VSNL1: variants seen among roughly 807,000 people sequenced by gnomAD.
VSNL1 encodes the protein visinin like 1, also known as visinin-like protein 1.
Under a neutral mutation model 20.4 loss-of-function variants are expected in VSNL1, and 6 were observed. The ratio of observed to expected loss-of-function variants is 0.29; its 90% confidence interval spans 0.16 to 0.58. The LOEUF (loss-of-function observed/expected upper bound fraction) is 0.58. VSNL1 is among the 20% of genes least tolerant of loss of function. The pLI, the probability that VSNL1 is intolerant of heterozygous loss-of-function variation, is 0.90. For synonymous variants in VSNL1, 93 were observed against 86.4 expected (o/e 1.08, Z -0.42); for missense variants, 100 against 234.5 (o/e 0.43, Z 3.75).
chr2:17,544,800 G>A (rs17314716), intron 1 of VSNL1, among the ~76,000 whole-genome samples: 4,451 of 152,218 alleles, frequency 0.029, 63 homozygotes, highest in Middle Eastern at 0.054. Context: ...TAAACTGACA[G>A]TGTCCATCTT....
chr2:17,635,441 A>C (rs1057092728), intron 2 of VSNL1, among the ~76,000 whole-genome samples: 1 of 152,184 alleles, frequency 6.6e-6, no homozygotes. Flanking sequence ...GGCCACCCTA[A>C]AATCTTCCAT....
chr2:17,622,577 AAAGAAAGAAAG>A (rs1665402208), intron 2 of VSNL1, among the ~76,000 whole-genome samples: 3 of 128,834 alleles, frequency 2.3e-5, no homozygotes, highest in African/African-American at 5.3e-5. Context: ...AGAAAGAAAG[AAAGAAAGAAAG>A]AAAGAAAGAA....
At chr2:17,550,630 C>T (rs575864553) in intron 1 of VSNL1, among the ~76,000 whole-genome samples, 1 of 152,288 alleles carries the variant, frequency 6.6e-6, no homozygotes, top group South Asian at 2.1e-4. Context: ...AATCAGCATG[C>T]ATATACAGAC....
rs531165025 is a variant in VSNL1 at position 17,565,093 on chromosome 2, G to A, written c.-6+24175G>A. ...ACCATGTTTCCTTTGAGATGAACAT[G>A]ATTACTGTCTATGGTAAGAGCTAGA... On this transcript the variant is annotated intron_variant, in intron 1 of 3. Transcript: ENST00000295156. Among the ~76,000 whole-genome samples the A allele has an allele frequency of 9.9e-5, 15 of 152,202 alleles. No individual in the cohort carries two copies. The South Asian group carries it at 2.7e-3, about 27-fold the overall frequency.
At chr2:17,601,657 A>G (rs148973303) in intron 2 of VSNL1, among the ~76,000 whole-genome samples, 8,187 of 150,776 alleles carry the variant, frequency 0.054, 251 homozygotes, top group East Asian at 0.091. Context: ...TAAATAGGCC[A>G]GGCATGGTGG....
At chr2:17,620,320 C>A (rs2103401645) in intron 2 of VSNL1, among the ~76,000 whole-genome samples, 1 of 152,286 alleles carries the variant, frequency 6.6e-6, no homozygotes, top group South Asian at 2.1e-4. Context: ...GGTAGGATGG[C>A]TTCATGGAAT....
rs1663264448 is a variant in VSNL1 at position 17,540,723 on chromosome 2, T to C, written c.-201T>C. The C allele has an allele frequency of 6.6e-6, 1 of 152,660 alleles. No homozygotes were observed. The highest frequency in any genetic ancestry group is 1.5e-5 in the Non-Finnish European group (1 of 68,062). The allele number at this position is 152,660 out of a possible 1,614,324, so 9.5% of individuals were successfully genotyped here. A position where few individuals can be genotyped will look rare whatever the true frequency, so the allele number is the denominator to read the frequency against. On this transcript the variant is annotated 5_prime_UTR_variant, in exon 1 of 4. Transcript: ENST00000295156. ...TCTGCAGCAGAGATTTACCCGAGCG[T>C]GTTGCGGCAGCGGCTGGGCTTGCAA...
chr2:17,586,008 C>T (rs1664464542), intron 1 of VSNL1, among the ~76,000 whole-genome samples: 1 of 152,016 alleles, frequency 6.6e-6, no homozygotes, highest in African/African-American at 2.4e-5. Flanking sequence ...AGGGTTTCAC[C>T]ATGTTGGCCA....
intron 1 of VSNL1, among the ~76,000 whole-genome samples, chr2:17,559,099 G>A (rs1462228420): frequency 6.6e-6 from 1 of 152,018 alleles, no homozygotes; most frequent in Non-Finnish European, 1.5e-5. Context: ...TGTGGCGGCA[G>A]CCACATATCG....
chr2:17,542,613 T>C (rs1274716322), intron 1 of VSNL1, among the ~76,000 whole-genome samples: 4 of 152,238 alleles, frequency 2.6e-5, no homozygotes, highest in Non-Finnish European at 5.9e-5. Context: ...CTGCCTTGTC[T>C]ATTCCTTCTT....
chr2:17,645,783 G>A (rs1461578416), intron 2 of VSNL1, among the ~76,000 whole-genome samples: 1 of 152,210 alleles, frequency 6.6e-6, no homozygotes, highest in Non-Finnish European at 1.5e-5. Flanking sequence ...AAGACCTCAA[G>A]TGTTTCCTGG....
At chr2:17,589,951 TC>T (rs1261351028) in intron 1 of VSNL1, among the ~76,000 whole-genome samples, 1 of 88,138 alleles carries the variant, frequency 1.1e-5, no homozygotes, top group East Asian at 2.0e-4. Flanking sequence ...CTTTCGCTCT[TC>T]CTGTTCCTTC....
At chr2:17,643,882 G>C (rs900567001) in intron 2 of VSNL1, among the ~76,000 whole-genome samples, 1 of 152,208 alleles carries the variant, frequency 6.6e-6, no homozygotes, top group African/African-American at 2.4e-5. Flanking sequence ...CAAGGCCCCA[G>C]GGAGTGAAAG....
chr2:17,566,451 A>G (rs954907788), intron 1 of VSNL1, among the ~76,000 whole-genome samples: 4 of 152,226 alleles, frequency 2.6e-5, no homozygotes, highest in African/African-American at 9.6e-5. Context: ...AACTGATTAT[A>G]TAAAATGGTC....
At chr2:17,620,306 CATGGGTAGG>C (rs1665326901) in intron 2 of VSNL1, among the ~76,000 whole-genome samples, 1 of 152,162 alleles carries the variant, frequency 6.6e-6, no homozygotes, top group Non-Finnish European at 1.5e-5. Flanking sequence ...TTTTAAGTAG[CATGGGTAGG>C]ATGGCTTCAT....
At chr2:17,654,412 A>ATTCTAAG (rs1666182288) in intron 3 of VSNL1, among the ~76,000 whole-genome samples, 1 of 152,076 alleles carries the variant, frequency 6.6e-6, no homozygotes, top group Admixed American at 6.5e-5. Context: ...GTCTTACTAG[A>ATTCTAAG]TTCTAAGTTT....
chr2:17,552,238 G>C (rs1360284393), intron 1 of VSNL1, among the ~76,000 whole-genome samples: 2 of 151,344 alleles, frequency 1.3e-5, no homozygotes, highest in Non-Finnish European at 2.9e-5. Context: ...CACGTACAGT[G>C]CTCTGTGTTG....
At chr2:17,616,751 A>G (rs960115199) in intron 2 of VSNL1, among the ~76,000 whole-genome samples, 1 of 152,258 alleles carries the variant, frequency 6.6e-6, no homozygotes, top group Non-Finnish European at 1.5e-5. Flanking sequence ...TCTGGACCCC[A>G]GAGTCCCTCC....
intron 2 of VSNL1, among the ~76,000 whole-genome samples, chr2:17,610,031 G>A (rs1241659724): frequency 2.0e-5 from 3 of 152,052 alleles, no homozygotes; most frequent in Admixed American, 6.5e-5. Flanking sequence ...TTATTTAATC[G>A]CATTACTTGA....
Sources: allele counts gnomAD v4.1 joint callset (sites outside exome capture counted in the v4.1 genomes callset), GRCh38; gene constraint gnomAD v4.1.1; transcripts MANE v1.5; gene names NCBI Gene and HGNC (gene_info 2026-07-23, HGNC 2026-07-21).